THEMIS: variants seen among roughly 807,000 people sequenced by gnomAD.
THEMIS encodes protein THEMIS.
THEMIS carries 37 observed loss-of-function variants against 52.6 expected under a neutral mutation model. The observed-to-expected ratio is 0.70, with a 90% CI of 0.54 to 0.93. The LOEUF is 0.93. Ranked by LOEUF, THEMIS falls within the 40% of genes least tolerant of loss-of-function variation. The probability of loss-of-function intolerance (pLI) is 0.00; values close to 1 mark genes in which losing one functional copy is unlikely to be tolerated. For missense variants in THEMIS, 808 were observed against 763.1 expected (o/e 1.06, Z -0.69); for synonymous variants, 292 against 272.7 (o/e 1.07, Z -0.70).
At chr6:127,789,597 C>T (rs1314134747) in intron 4 of THEMIS, among the ~76,000 whole-genome samples, 1 of 152,156 alleles carries the variant, frequency 6.6e-6, no homozygotes, top group South Asian at 2.1e-4. Flanking sequence ...GGCCAATATT[C>T]CTGATGAACA....
intron 2 of THEMIS, among the ~76,000 whole-genome samples, chr6:127,834,662 T>C (rs1778815202): frequency 6.6e-6 from 1 of 152,148 alleles, no homozygotes; most frequent in African/African-American, 2.4e-5. Flanking sequence ...ATATTGCTTT[T>C]ACCTGCAGAG....
intron 5 of THEMIS, among the ~76,000 whole-genome samples, chr6:127,717,967 C>CCA (rs1774229879): frequency 6.6e-6 from 1 of 151,652 alleles, no homozygotes; most frequent in South Asian, 2.1e-4. Flanking sequence ...CCATCCTGAA[C>CCA]TCAAAGAAGG....
chr6:127,732,142 A>G (rs573512241), intron 4 of THEMIS, among the ~76,000 whole-genome samples: 33 of 151,836 alleles, frequency 2.2e-4, no homozygotes, highest in African/African-American at 8.0e-4. Flanking sequence ...CTCGTTGCTC[A>G]GTTTTAAAAT....
chr6:127,860,286 G>A (rs1012325020), intron 1 of THEMIS, among the ~76,000 whole-genome samples: 5 of 152,108 alleles, frequency 3.3e-5, no homozygotes, highest in Admixed American at 6.6e-5. Context: ...GAAAAAGCAA[G>A]CTTTCAGCTT....
chr6:127,901,663 T>A (rs1361244103), upstream of THEMIS, among the ~76,000 whole-genome samples: 1 of 152,112 alleles, frequency 6.6e-6, no homozygotes, highest in Admixed American at 6.6e-5. Context: ...TACACTATAG[T>A]AGAAAGTATT....
At chr6:127,703,028 A>G in the THEMIS span, among the ~76,000 whole-genome samples, 1 of 111,330 alleles carries the variant, frequency 9.0e-6, no homozygotes, top group Non-Finnish European at 2.1e-5. Context: ...CAAGACCTTT[A>G]GAATGAGTTT....
chr6:127,701,405 G>A, the THEMIS span, among the ~76,000 whole-genome samples: 1 of 152,002 alleles, frequency 6.6e-6, no homozygotes, highest in African/African-American at 2.4e-5. Context: ...TTTCCATCGC[G>A]TGGTTACACT....
chr6:127,820,966 A>C (rs1340222669), intron 3 of THEMIS, among the ~76,000 whole-genome samples: 1 of 151,948 alleles, frequency 6.6e-6, no homozygotes, highest in Non-Finnish European at 1.5e-5. Flanking sequence ...ATATCTAAGA[A>C]TCTCTCCTAG....
chr6:127,757,165 T>G (rs1342803204), intron 4 of THEMIS, among the ~76,000 whole-genome samples: 1 of 152,182 alleles, frequency 6.6e-6, no homozygotes, highest in Non-Finnish European at 1.5e-5. Context: ...TTAGCTAATT[T>G]AAATGTTAGA....
upstream of THEMIS, among the ~76,000 whole-genome samples, chr6:127,905,546 C>T (rs540895534): frequency 1.3e-5 from 2 of 151,984 alleles, no homozygotes; most frequent in African/African-American, 4.8e-5. Context: ...AAGTCAAGAC[C>T]ACAGGAAGGA....
intron 4 of THEMIS, among the ~76,000 whole-genome samples, chr6:127,766,104 A>G (rs945772693): frequency 3.3e-5 from 5 of 152,106 alleles, no homozygotes; most frequent in African/African-American, 1.2e-4. Flanking sequence ...TTGACAGTAT[A>G]TATTTGAAAT....
chr6:127,787,276 GCACACACACA>G, intron 4 of THEMIS, among the ~76,000 whole-genome samples: 1 of 149,174 alleles, frequency 6.7e-6, no homozygotes, highest in South Asian at 2.1e-4. Context: ...ATGTGTGCAC[GCACACACACA>G]CACACACACA....
chr6:127,798,189 C>T (rs1777394745), intron 4 of THEMIS, among the ~76,000 whole-genome samples: 1 of 152,134 alleles, frequency 6.6e-6, no homozygotes, highest in African/African-American at 2.4e-5. Context: ...TTATTTTCCT[C>T]TTTCATTTTT....
chr6:127,715,794 T>TCC (rs1176242480), intron 5 of THEMIS, among the ~76,000 whole-genome samples: 2 of 151,744 alleles, frequency 1.3e-5, no homozygotes, highest in Non-Finnish European at 2.9e-5. Context: ...ACCATTTGAG[T>TCC]CCAACAGTTT....
In THEMIS at chr6:127,900,868, T is replaced by C; in HGVS notation, c.65A>G (p.Glu22Gly). The C allele has an allele frequency of 6.2e-7, 1 of 1,613,166 alleles. No individual in the cohort carries two copies. The highest frequency in any genetic ancestry group is 8.5e-7 in the Non-Finnish European group (1 of 1,179,392). Residue 22 changes from glutamate (E) to glycine (G), a missense_variant, in exon 1 of 6, where the codon GAA becomes GGA. Coordinates refer to ENST00000368248, the MANE Select transcript of THEMIS (RefSeq NM_001010923.3). Reference protein sequence around the residue: ...LDLRTLPRVLEIQAGIYLEGS... With the variant: ...LDLRTLPRVLGIQAGIYLEGS... ...TTCAAGATAGATGCCTGCCTGGATT[T>C]CTAGAACCCTGGGTAGGGTCCTGAG... is the stretch of plus-strand genomic sequence containing the variant.
chr6:127,715,445 C>T (rs372215199), intron 5 of THEMIS, among the ~76,000 whole-genome samples: 159 of 151,976 alleles, frequency 1.0e-3, no homozygotes, highest in African/African-American at 3.5e-3. Context: ...CAACAATGTG[C>T]TTTATGATCT....
At chr6:127,914,759 G>A (rs1023732147) in intron 1 of THEMIS, among the ~76,000 whole-genome samples, 6 of 152,178 alleles carry the variant, frequency 3.9e-5, no homozygotes, top group Admixed American at 2.0e-4. Flanking sequence ...GACATTTGCC[G>A]CCTTTGTTCC....
At chr6:127,830,638 A>G (rs1360979043) in intron 2 of THEMIS, among the ~76,000 whole-genome samples, 1 of 152,020 alleles carries the variant, frequency 6.6e-6, no homozygotes. Flanking sequence ...GTGAGCCACG[A>G]TCACTCCACT....
At chr6:127,849,750 G>T (rs965256401) in intron 2 of THEMIS, among the ~76,000 whole-genome samples, 1 of 152,052 alleles carries the variant, frequency 6.6e-6, no homozygotes, top group Non-Finnish European at 1.5e-5. Flanking sequence ...AACTCAAGAT[G>T]GGTCAAAGGT....
Sources: gnomAD v4.1 joint callset for allele counts (sites outside exome capture counted in the v4.1 genomes callset) on GRCh38, gnomAD v4.1.1 for gene constraint, MANE v1.5 for transcripts, NCBI Gene and HGNC (gene_info 2026-07-23, HGNC 2026-07-21) for gene names.